Variants in WDR70 observed in about 807,000 individuals in gnomAD.
WDR70 encodes WD repeat-containing protein 70.
WDR70 carries 53 observed loss-of-function variants against 88.6 expected under a neutral mutation model. The observed-to-expected ratio is 0.60, with a 90% confidence interval of 0.48 to 0.75. WDR70 has a LOEUF of 0.75. WDR70 is among the 30% of genes least tolerant of loss of function. The pLI, the probability that WDR70 is intolerant of heterozygous loss-of-function variation, is 0.00. For missense variants in WDR70, 610 were observed against 823.2 expected (o/e 0.74, Z 3.17); for synonymous variants, 280 against 270.0 (o/e 1.04, Z -0.36).
intron 10 of WDR70, among the ~76,000 whole-genome samples, chr5:37,634,471 T>C (rs1744904591): frequency 6.6e-6 from 1 of 152,160 alleles, no homozygotes; most frequent in African/African-American, 2.4e-5. Context: ...CTCACACATC[T>C]CTAACCTTAC....
chr5:37,563,832 G>C (rs1182674207), intron 9 of WDR70, among the ~76,000 whole-genome samples: 1 of 125,062 alleles, frequency 8.0e-6, no homozygotes, highest in Non-Finnish European at 1.8e-5. Flanking sequence ...GGGCGGAGGG[G>C]CTCCTCACTT....
At chr5:37,563,865 C>T in intron 9 of WDR70, among the ~76,000 whole-genome samples, 1 of 122,808 alleles carries the variant, frequency 8.1e-6, no homozygotes, top group Non-Finnish European at 1.9e-5. Context: ...GGTTGCCAGG[C>T]AGAGGGTCTC....
intron 9 of WDR70, among the ~76,000 whole-genome samples, chr5:37,561,876 G>A (rs1014798426): frequency 1.2e-4 from 19 of 152,088 alleles, no homozygotes; most frequent in Non-Finnish European, 2.9e-5. Flanking sequence ...GTGTTATTGT[G>A]GAAAAGGAAG....
intron 8 of WDR70, among the ~76,000 whole-genome samples, chr5:37,485,858 A>ATTTTTTTTTT (rs57109943): frequency 5.5e-5 from 6 of 108,284 alleles, no homozygotes; most frequent in South Asian, 3.2e-4. Flanking sequence ...TGCCTGGCTA[A>ATTTTTTTTTT]TTTTTTTTTT....
In WDR70 at chr5:37,671,406, TG is replaced by T. The variant is rs530982671; in HGVS notation, c.1093-26244del. Among the ~76,000 whole-genome samples, 149 of 151,932 alleles carry T rather than the reference TG, an allele frequency of 9.8e-4. 1 individual carries two copies. The highest frequency in any genetic ancestry group is 6.8e-3 in the Middle Eastern group (2 of 294). ...AACTGTAACTCAGTCTTTTTGTGAG[TG>T]GGGGAGAAGGGCAGGGGTGGGAGGT... On this transcript the variant is annotated intron_variant, in intron 10 of 17. Transcript: ENST00000265107.
Position 37,631,340 on chromosome 5 carries a change from T to C in WDR70, c.1092+26102T>C, listed in dbSNP as rs1744811023. ...GTTTGCCCAATGAAGGCAGTTAGCT[T>C]TATTGTAATTTGATATATAGAGCTT... is the stretch of plus-strand genomic sequence containing the variant. On this transcript the variant is annotated intron_variant, in intron 10 of 17. Transcript: ENST00000265107. Among the ~76,000 whole-genome samples the C allele has an allele frequency of 2.0e-5, 3 of 152,316 alleles. No homozygotes were observed. In the South Asian group the frequency reaches 6.2e-4, roughly 32 times the overall value.
At chr5:37,414,287 T>C (rs930344235) in intron 5 of WDR70, among the ~76,000 whole-genome samples, 8 of 152,152 alleles carry the variant, frequency 5.3e-5, no homozygotes, top group African/African-American at 1.9e-4. Flanking sequence ...CCCCCTGGCT[T>C]GCTCACTCCT....
chr5:37,494,707 C>T (rs1023074480), intron 8 of WDR70, among the ~76,000 whole-genome samples: 2 of 152,158 alleles, frequency 1.3e-5, no homozygotes, highest in Non-Finnish European at 2.9e-5. Flanking sequence ...ATATTATGAC[C>T]ATTCATGGTA....
At chr5:37,669,736 G>A (rs997092402) in intron 10 of WDR70, among the ~76,000 whole-genome samples, 1 of 152,042 alleles carries the variant, frequency 6.6e-6, no homozygotes, top group Non-Finnish European at 1.5e-5. Context: ...TAGACCATGC[G>A]TTTGTGAAGG....
intron 11 of WDR70, chr5:37,700,515 G>A (rs976499331): frequency 8.5e-5 from 13 of 152,378 alleles, no homozygotes; most frequent in African/African-American, 3.1e-4. Flanking sequence ...AGTGAAGAAT[G>A]ATAGCTGTAG....
At chr5:37,703,134 C>T (rs780124663) in intron 13 of WDR70, 47 bp downstream of exon 13, 19 of 1,574,062 alleles carry the variant, frequency 1.2e-5, no homozygotes, top group African/African-American at 5.4e-5. Flanking sequence ...ATAAAGTTTG[C>T]CTCTTACCCA....
intron 17 of WDR70, among the ~76,000 whole-genome samples, chr5:37,728,083 C>T (rs80154150): frequency 0.13 from 20,202 of 151,940 alleles, 1,775 homozygotes; most frequent in Non-Finnish European, 0.2. Context: ...TGCATTAGCT[C>T]ATGCTTATAA....
chr5:37,652,340 A>G (rs984582805), intron 10 of WDR70, among the ~76,000 whole-genome samples: 2 of 152,180 alleles, frequency 1.3e-5, no homozygotes, highest in African/African-American at 4.8e-5. Flanking sequence ...TGGTTACTGT[A>G]GTCTTGTAGT....
intron 10 of WDR70, among the ~76,000 whole-genome samples, chr5:37,641,666 C>T (rs1193965933): frequency 1.3e-5 from 2 of 152,034 alleles, no homozygotes; most frequent in African/African-American, 2.4e-5. Context: ...ATCTGTTTGC[C>T]TCGGCCTCCC....
At chr5:37,576,042 C>T (rs2112415029) in intron 9 of WDR70, among the ~76,000 whole-genome samples, 1 of 151,524 alleles carries the variant, frequency 6.6e-6, no homozygotes, top group East Asian at 1.9e-4. Context: ...TTCCTTCCTT[C>T]CTTCCTTCCT....
intron 9 of WDR70, among the ~76,000 whole-genome samples, chr5:37,564,410 G>A (rs1010517225): frequency 6.6e-6 from 1 of 152,086 alleles, no homozygotes; most frequent in African/African-American, 2.4e-5. Flanking sequence ...GCCTGCAATC[G>A]CAGGCACTGG....
chr5:37,738,264 A>G (rs1581538730), intron 17 of WDR70, among the ~76,000 whole-genome samples: 1 of 152,296 alleles, frequency 6.6e-6, no homozygotes, highest in African/African-American at 2.4e-5. Flanking sequence ...TTTCCTTCAT[A>G]ATAAACAATG....
intron 5 of WDR70, among the ~76,000 whole-genome samples, chr5:37,434,782 C>G (rs185341519): frequency 6.8e-4 from 103 of 152,350 alleles, no homozygotes; most frequent in African/African-American, 2.4e-3. Flanking sequence ...ATATTTTCCT[C>G]TCTTCCATTG....
intron 9 of WDR70, among the ~76,000 whole-genome samples, chr5:37,516,865 A>T (rs1474123892): frequency 6.6e-6 from 1 of 150,872 alleles, no homozygotes; most frequent in Non-Finnish European, 1.5e-5. Flanking sequence ...GAGATTACAG[A>T]TGCCCCACCA....
Sources: gnomAD v4.1 joint callset for allele counts (sites outside exome capture counted in the v4.1 genomes callset) on GRCh38, gnomAD v4.1.1 for gene constraint, MANE v1.5 for transcripts, NCBI Gene and HGNC (gene_info 2026-07-23, HGNC 2026-07-21) for gene names.